The following DNAH9 variants were observed in gnomAD, a reference collection of about 807,000 sequenced individuals.
The protein encoded by DNAH9 is DNAH9 variant protein.
Under a neutral mutation model 471.6 loss-of-function variants are expected in DNAH9, and 345 were observed. The ratio of observed to expected loss-of-function variants is 0.73; its 90% confidence interval spans 0.67 to 0.80. DNAH9 has a LOEUF of 0.80. Among genes scored for constraint, DNAH9 ranks in the 30% least tolerant of loss-of-function variants. The pLI is 0.00. For synonymous variants in DNAH9, 2,093 were observed against 2,123.6 expected, an observed-to-expected ratio of 0.99 and a Z score of 0.40; for missense variants, 5,407 against 5,609.2, an observed-to-expected ratio of 0.96 and a Z score of 1.15.
In DNAH9 at chr17:11,636,719, TCAACAA is replaced by T; in HGVS notation, c.1722_1727del (p.Phe574_Lys576delinsLeu). ...AAATACCTGGTCCTCATCCAAATGTTCAACAAAGATCTGGATGCAGTGAGGATGATC... is the reference window on the plus strand; with the variant it reads ...AAATACCTGGTCCTCATCCAAATGTTAGATCTGGATGCAGTGAGGATGATC... On this transcript the variant is annotated inframe_deletion, in exon 9 of 69. Transcript: ENST00000262442. The T allele has an allele frequency of 6.2e-7, 1 of 1,614,014 alleles. No homozygotes were observed. Among genetic ancestry groups the T allele is most frequent in the Non-Finnish European group, 8.5e-7 (1 of 1,179,882 alleles).
In DNAH9 at chr17:11,651,665, A is replaced by G. The variant is rs192358062; in HGVS notation, c.2353+341A>G. ...TTTGTTATTTAATTTTCTTAACTAGATTGTAAGCATCTTAAAGCAGTATGC... is the reference window on the plus strand; with the variant it reads ...TTTGTTATTTAATTTTCTTAACTAGGTTGTAAGCATCTTAAAGCAGTATGC... On this transcript the variant is annotated intron_variant, in intron 13 of 68. Transcript: ENST00000262442. 7.2e-3 allele frequency among the ~76,000 whole-genome samples: 1,090 copies of G among 152,276 alleles called. 11 individuals carry two copies. Among genetic ancestry groups the G allele is most frequent in the Admixed American group, 0.012 (189 of 15,290 alleles).
At chr17:11,739,754 A>G (rs1476939510) in intron 29 of DNAH9, among the ~76,000 whole-genome samples, 4 of 152,204 alleles carry the variant, frequency 2.6e-5, no homozygotes, top group African/African-American at 9.7e-5. Context: ...CATTTCATCG[A>G]AGTAGCTGGA....
intron 61 of DNAH9, among the ~76,000 whole-genome samples, chr17:11,923,394 G>A (rs1486073660): frequency 7.0e-6 from 1 of 142,076 alleles, no homozygotes; most frequent in African/African-American, 2.6e-5. Flanking sequence ...TCATTGCAAG[G>A]TCCGCCTCCT....
At chr17:11,742,477 T>G (rs2075446953) in intron 30 of DNAH9, among the ~76,000 whole-genome samples, 164 bp downstream of exon 30, 1 of 152,196 alleles carries the variant, frequency 6.6e-6, no homozygotes, top group South Asian at 2.1e-4. Context: ...TATTAATGAT[T>G]TATGTTCACT....
chr17:11,884,913 T>A (rs1471035162), intron 56 of DNAH9, among the ~76,000 whole-genome samples: 1 of 151,802 alleles, frequency 6.6e-6, no homozygotes, highest in Non-Finnish European at 1.5e-5. Context: ...TCTCCCCACC[T>A]CTTCATCTGT....
At chr17:11,859,927 C>T (rs1971782362) in intron 50 of DNAH9, among the ~76,000 whole-genome samples, 1 of 152,164 alleles carries the variant, frequency 6.6e-6, no homozygotes, top group Non-Finnish European at 1.5e-5. Flanking sequence ...AGGAGACAGA[C>T]ATCCAAACCA....
At chr17:11,960,541 G>T (rs1356731148) in intron 67 of DNAH9, among the ~76,000 whole-genome samples, 2 of 149,168 alleles carry the variant, frequency 1.3e-5, no homozygotes, top group African/African-American at 4.9e-5. Flanking sequence ...ATCACCTGAG[G>T]TCAGGGTCAG....
chr17:11,683,782 C>T (rs1160811302), intron 19 of DNAH9, among the ~76,000 whole-genome samples: 1 of 152,190 alleles, frequency 6.6e-6, no homozygotes, highest in Non-Finnish European at 1.5e-5. Flanking sequence ...ATTTGACATG[C>T]AGATGAATCC....
In DNAH9 at chr17:11,651,136, C is replaced by A. The variant is rs780659225; in HGVS notation, c.2165C>A (p.Ala722Glu). 1.9e-6 allele frequency: 3 copies of A among 1,613,880 alleles called. No individual in the cohort carries two copies. The highest frequency in any genetic ancestry group is 2.5e-6 in the Non-Finnish European group (3 of 1,179,782). The change falls in exon 13 of 69, where the codon GCA (alanine) becomes GAA (glutamate). Residue 722 changes from alanine to glutamate, a missense_variant. Ala to Glu is a moderately radical substitution (Grantham distance 107, BLOSUM62 -1). Around this residue, in one of 3 missense-constraint regions of DNAH9, gnomAD observed 4,636 missense variants for 4,900.3 expected, o/e 0.95. Coordinates refer to ENST00000262442, the MANE Select transcript of DNAH9 (RefSeq NM_001372.4). ...PREMKHMPET[A>E]AAMFSSRDFY... ...GAGATGAAACACATGCCTGAGACAG[C>A]AGCAGCCATGTTCTCCTCCAGGGAT...
intron 36 of DNAH9, among the ~76,000 whole-genome samples, chr17:11,764,067 C>T (rs931104142): frequency 1.3e-5 from 2 of 152,272 alleles, no homozygotes; most frequent in Middle Eastern, 3.4e-3. Context: ...ACTATCATAT[C>T]TCCATACGCG....
intron 21 of DNAH9, 55 bp downstream of exon 21, chr17:11,694,053 C>G: frequency 6.3e-7 from 1 of 1,595,310 alleles, no homozygotes. Flanking sequence ...TTCCTTTTCC[C>G]CATCGTCTCT....
At position 11,679,875 on chromosome 17, in the gene DNAH9, C is replaced by A. The variant is rs8070501; in HGVS notation, c.3472C>A (p.Arg1158=). 16 of 1,613,880 alleles carry A rather than the reference C, an allele frequency of 9.9e-6. No individual in the cohort carries two copies. Among genetic ancestry groups the A allele is most frequent in the Non-Finnish European group, 1.4e-5 (16 of 1,179,942 alleles). Residue 1158 remains arginine, a synonymous_variant, in exon 18 of 69, where the codon CGG becomes AGG. Transcript: ENST00000262442. ...IMGHLMAVKE[R]QSNTDEMFEP... is the part of the protein sequence containing the mutation. ...GGGACACCTTATGGCTGTTAAAGAA[C>A]GGCAGAGTAACACTGATGAGATGTT...
Position 11,663,853 on chromosome 17 carries a change from T to G in DNAH9, c.2596-980T>G, listed in dbSNP as rs181835111. ...TCTTGTCACTGTGTTGTGATTTGCA[T>G]GGTGATGGACTTTAAGTCACAAAGA... On this transcript the variant is annotated intron_variant, in intron 14 of 68. Transcript: ENST00000262442. 2.8e-4 allele frequency among the ~76,000 whole-genome samples: 43 copies of G among 152,326 alleles called. No individual in the cohort carries two copies. The East Asian group carries it at 7.9e-3, about 28-fold the overall frequency.
chr17:11,862,529 T>G (rs1243757518), intron 50 of DNAH9, among the ~76,000 whole-genome samples: 1 of 146,892 alleles, frequency 6.8e-6, no homozygotes, highest in Non-Finnish European at 1.5e-5. Flanking sequence ...ATATGAACTT[T>G]AAAGTAGTTT....
intron 36 of DNAH9, among the ~76,000 whole-genome samples, chr17:11,768,010 C>T (rs144593349): frequency 0.015 from 2,357 of 152,284 alleles, 67 homozygotes; most frequent in African/African-American, 0.053. Context: ...GCTCTTCTCA[C>T]TGCAGCGCTC....
chr17:11,850,943 A>T (rs1376614517), intron 49 of DNAH9, among the ~76,000 whole-genome samples: 1 of 152,162 alleles, frequency 6.6e-6, no homozygotes, highest in Non-Finnish European at 1.5e-5. Flanking sequence ...TCTCATGAAG[A>T]GGAGGGATAC....
At chr17:11,716,922 G>C (rs2074975010) in intron 26 of DNAH9, among the ~76,000 whole-genome samples, 1 of 152,226 alleles carries the variant, frequency 6.6e-6, no homozygotes, top group Admixed American at 6.5e-5. Context: ...GGAAGCCCAA[G>C]GCTGGGAGAG....
chr17:11,689,115 AAAT>A (rs571552438), intron 19 of DNAH9, among the ~76,000 whole-genome samples: 1,590 of 152,080 alleles, frequency 0.01, 33 homozygotes, highest in African/African-American at 0.037. Context: ...TAAAAATAAA[AAAT>A]AAATTTAAGA....
At chr17:11,904,286 C>G (rs1188401190) in intron 60 of DNAH9, among the ~76,000 whole-genome samples, 1 of 152,030 alleles carries the variant, frequency 6.6e-6, no homozygotes, top group African/African-American at 2.4e-5. Context: ...CATTGATGTG[C>G]AGGGGCAGTG....
Sources: allele counts gnomAD v4.1 joint callset (sites outside exome capture counted in the v4.1 genomes callset), GRCh38; gene constraint gnomAD v4.1.1; regional missense constraint gnomAD v4.1.1; transcripts MANE v1.5; gene names NCBI Gene and HGNC (gene_info 2026-07-23, HGNC 2026-07-21).